The following WDR47 variants were observed in gnomAD, a reference collection of about 807,000 sequenced individuals.
WDR47 encodes the protein WD repeat domain 47, also known as WD repeat-containing protein 47.
WDR47 carries 32 observed loss-of-function variants against 97.2 expected under a neutral mutation model. The observed-to-expected ratio is 0.33, with a 90% CI of 0.25 to 0.44. The LOEUF (loss-of-function observed/expected upper bound fraction) is 0.44. Among genes scored for constraint, WDR47 ranks in the 20% least tolerant of loss-of-function variants. WDR47 has a pLI of 1.00. For missense variants in WDR47, 782 were observed against 1,102.3 expected, an observed-to-expected ratio of 0.71 and a Z score of 4.11; for synonymous variants, 375 against 373.5, an observed-to-expected ratio of 1.00 and a Z score of -0.05.
chr1:108,986,158 C>T (rs1276650090), intron 10 of WDR47, among the ~76,000 whole-genome samples: 3 of 151,942 alleles, frequency 2.0e-5, no homozygotes, highest in Non-Finnish European at 4.4e-5. Flanking sequence ...TCAGTACCAG[C>T]CAAGGTTTCA....
Position 108,989,975 on chromosome 1 carries a change from G to A in WDR47, c.1767+1279C>T, listed in dbSNP as rs184636908. Among the ~76,000 whole-genome samples the A allele has an allele frequency of 6.4e-3, 981 of 152,252 alleles. 8 individuals carry two copies. The highest frequency in any genetic ancestry group is 8.0e-3 in the Non-Finnish European group (545 of 68,026). On this transcript the variant is annotated intron_variant, in intron 9 of 14. Transcript: ENST00000369962. ...CCTCCCAAGTGTTGGGATTACAGGA[G>A]TGAGCCACTGCATCCAGCCTTAAAA...
chr1:109,001,939 T>G (rs1016292367), intron 7 of WDR47, among the ~76,000 whole-genome samples: 2 of 151,556 alleles, frequency 1.3e-5, no homozygotes, highest in African/African-American at 4.8e-5. Context: ...CTAGAGTGAC[T>G]TCCCCTAGAT....
rs895663651 is a variant in WDR47, at chr1:108,992,190, A to G, written c.1692-861T>C. On this transcript the variant is annotated intron_variant, in intron 8 of 14. Coordinates refer to ENST00000369962, the MANE Select transcript of WDR47 (RefSeq NM_001142551.2). ...GCAAGATCTATTTTTTAAAAAGGAA[A>G]AGAAATTAGATAATAAGAAAGACCT... The G allele has an allele frequency of 4.2e-5, 30 of 714,992 alleles. No individual in the cohort carries two copies. In the African/African-American group the frequency reaches 4.5e-4, roughly 11 times the overall value. 44.3% of individuals were successfully genotyped at this position (714,992 alleles called of 1,614,324 possible).
Position 109,011,023 on chromosome 1 carries a change from C to A in WDR47, c.1023G>T (p.Met341Ile). 4 of 1,614,116 alleles carry A rather than the reference C, an allele frequency of 2.5e-6. No homozygotes were observed. Among genetic ancestry groups the A allele is most frequent in the Non-Finnish European group, 3.4e-6 (4 of 1,180,020 alleles). ...AATGGAAGTTAGCAAAGGAGTGTGA[C>A]ATTGGAGAAGTTTTGTTTCCAAGGT... ...ISDLGNKTSP[M>I]SHSFANFHYP... Residue 341 changes from methionine (M) to isoleucine (I), a missense_variant, in exon 5 of 15, where the codon ATG (methionine) becomes ATT (isoleucine). By Grantham distance (10) the Met-to-Ile change is conservative. Transcript: ENST00000369962.
intron 1 of WDR47, among the ~76,000 whole-genome samples, chr1:109,026,973 TA>T (rs967886054): frequency 6.1e-4 from 93 of 151,542 alleles, no homozygotes; most frequent in Admixed American, 1.5e-3. Context: ...GTTTTCTTTT[TA>T]AAAAAAAACT....
chr1:108,982,235 C>A (rs1658398823), intron 12 of WDR47, among the ~76,000 whole-genome samples: 1 of 151,820 alleles, frequency 6.6e-6, no homozygotes, highest in Admixed American at 6.6e-5. Flanking sequence ...AAATGCACAA[C>A]ATCAAAACCA....
chr1:108,995,308 T>C (rs181594007), intron 8 of WDR47, among the ~76,000 whole-genome samples: 298 of 152,278 alleles, frequency 2.0e-3, no homozygotes, highest in Middle Eastern at 6.8e-3. Flanking sequence ...ATCCTAAAAC[T>C]GTAGGTTCTT....
intron 5 of WDR47, among the ~76,000 whole-genome samples, chr1:109,009,902 G>A (rs1170870543): frequency 6.6e-6 from 1 of 151,960 alleles, no homozygotes. Flanking sequence ...GGAGGCTGAG[G>A]CAGGAGAATT....
At chr1:109,005,866 T>A (rs748402957) in intron 5 of WDR47, among the ~76,000 whole-genome samples, 3 of 151,740 alleles carry the variant, frequency 2.0e-5, no homozygotes, top group Non-Finnish European at 2.9e-5. Context: ...AGACTCCACC[T>A]CAAAAAAATA....
In WDR47 at chr1:109,022,451, T is replaced by A. The variant is rs1661913096; in HGVS notation, c.158+904A>T. ...TTTCTTTACCTTTTCAAAGTCCGAT[T>A]TTCTTAGTCAAATATCTTTTATTAT... On this transcript the variant is annotated intron_variant, in intron 2 of 14. Transcript: ENST00000369962. 2.6e-5 allele frequency among the ~76,000 whole-genome samples: 4 copies of A among 151,272 alleles called. 1 individual carries two copies. In the South Asian group the frequency reaches 8.4e-4, roughly 32 times the overall value.
At chr1:109,024,929 T>G (rs1662094681) in intron 1 of WDR47, 1 of 152,032 alleles carries the variant, frequency 6.6e-6, no homozygotes, top group Admixed American at 6.6e-5. Flanking sequence ...AAGTTAGAAG[T>G]TACATACAGT....
chr1:109,022,254 T>C (rs1661900223), intron 2 of WDR47, among the ~76,000 whole-genome samples: 1 of 152,106 alleles, frequency 6.6e-6, no homozygotes, highest in East Asian at 1.9e-4. Flanking sequence ...TTATTTTTAA[T>C]AGATGCAAAA....
chr1:108,974,159 CACTCCA>C (rs1253182173), intron 14 of WDR47, among the ~76,000 whole-genome samples: 1 of 151,990 alleles, frequency 6.6e-6, no homozygotes, highest in East Asian at 1.9e-4. Flanking sequence ...CACACCACTG[CACTCCA>C]GCCTGGGCGA....
chr1:109,041,462 G>T (rs147949468), intron 1 of WDR47: 1 of 152,202 alleles, frequency 6.6e-6, no homozygotes, highest in East Asian at 1.9e-4. Flanking sequence ...GTTCTCGCAC[G>T]GGCTCGACCA....
intron 1 of WDR47, among the ~76,000 whole-genome samples, chr1:109,028,004 G>C (rs1662331420): frequency 6.6e-6 from 1 of 152,050 alleles, no homozygotes; most frequent in South Asian, 2.1e-4. Flanking sequence ...TCTCCTCTGG[G>C]GGAGCTATAA....
At chr1:109,020,501 A>T (rs1661756106) in intron 2 of WDR47, among the ~76,000 whole-genome samples, 1 of 152,074 alleles carries the variant, frequency 6.6e-6, no homozygotes, top group East Asian at 1.9e-4. Context: ...TGACCTCGTG[A>T]TCCACCCACC....
chr1:108,990,179 T>C (rs562050575), intron 9 of WDR47, among the ~76,000 whole-genome samples: 36 of 152,170 alleles, frequency 2.4e-4, no homozygotes, highest in East Asian at 5.8e-4. Context: ...CTGGGTGACG[T>C]AGTCACACCA....
Position 108,981,813 on chromosome 1 carries a change from G to C in WDR47, c.2318C>G (p.Ser773Cys). 2 of 1,613,726 alleles carry C rather than the reference G, an allele frequency of 1.2e-6. No homozygotes were observed. Among genetic ancestry groups the C allele is most frequent in the Non-Finnish European group, 1.7e-6 (2 of 1,179,826 alleles). The part of the protein sequence containing the change: ...TWSGWMIASG[S>C]QDKTVRFWDL... Reference sequence around the variant, plus strand: ...CCAAAATCTAACAGTCTTATCTTGGGAACCAGATGCAATCATCCAGCCACT... The same window carrying C: ...CCAAAATCTAACAGTCTTATCTTGGCAACCAGATGCAATCATCCAGCCACT... The change falls in exon 13 of 15, where the codon TCC becomes TGC. Residue 773 changes from serine (S) to cysteine (C), a missense_variant. Transcript: ENST00000369962.
intron 7 of WDR47, among the ~76,000 whole-genome samples, chr1:108,999,641 TC>T (rs1038841076): frequency 6.7e-6 from 1 of 150,132 alleles, no homozygotes; most frequent in Non-Finnish European, 1.5e-5. Flanking sequence ...ACTACTGCAC[TC>T]CAGACTGGGC....
Sources: gnomAD v4.1 joint callset for allele counts (sites outside exome capture counted in the v4.1 genomes callset) on GRCh38, gnomAD v4.1.1 for gene constraint, MANE v1.5 for transcripts, NCBI Gene and HGNC (gene_info 2026-07-23, HGNC 2026-07-21) for gene names.